Variants in GNG8 observed in about 807,000 individuals in gnomAD.
GNG8 encodes G protein subunit gamma 8.
In GNG8, 3 loss-of-function variants were observed where a neutral mutation model predicts 4.6. The ratio of observed to expected loss-of-function variants is 0.65; its 90% CI spans 0.29 to 1.67. The LOEUF (loss-of-function observed/expected upper bound fraction) is 1.67. GNG8 is among the 40% of genes most tolerant of loss of function. GNG8 has a pLI of 0.10. For synonymous variants in GNG8, 32 were observed against 40.5 expected (o/e 0.79, Z 0.80); for missense variants, 88 against 95.2 (o/e 0.92, Z 0.32).
At chr19:46,636,602 A>T (rs996062771), upstream of GNG8, among the ~76,000 whole-genome samples, 10 of 152,172 alleles carry the variant, frequency 6.6e-5, no homozygotes, top group Middle Eastern at 3.4e-3. Flanking sequence ...GCCCTGTCAC[A>T]CGGTAGCACC....
intron 1 of GNG8, among the ~76,000 whole-genome samples, 160 bp downstream of exon 1, chr19:46,635,987 G>T (rs1180654267): frequency 6.6e-6 from 1 of 151,980 alleles, no homozygotes; most frequent in African/African-American, 2.4e-5. Context: ...GAAACAGAAA[G>T]TGGGAGAGAG....
In GNG8 at chr19:46,634,015, C is replaced by A. The variant is rs960262676; in HGVS notation, c.*61G>T. ...GTCTCCCTGAAAGCACAGGCACCAC[C>A]ACAGTTACCAAGTTTATTGGATCCA... On this transcript the variant is annotated 3_prime_UTR_variant, in exon 3 of 3. Transcript: ENST00000693335. The A allele has an allele frequency of 6.8e-5, 106 of 1,556,170 alleles. No homozygotes were observed. Among genetic ancestry groups the A allele is most frequent in the Non-Finnish European group, 9.1e-5 (104 of 1,146,684 alleles).
upstream of GNG8, among the ~76,000 whole-genome samples, chr19:46,636,315 C>T (rs2052868898): frequency 6.6e-6 from 1 of 150,790 alleles, no homozygotes; most frequent in Non-Finnish European, 1.5e-5. Flanking sequence ...CCTCTCTGGG[C>T]CCTCTCTCTT....
intron 1 of GNG8, among the ~76,000 whole-genome samples, 70 bp downstream of exon 1, chr19:46,636,077 C>A (rs2052866566): frequency 6.6e-6 from 1 of 152,046 alleles, no homozygotes; most frequent in South Asian, 2.1e-4. Context: ...CATTCATTCC[C>A]AGGCGGAGAG....
Position 46,634,628 on chromosome 19 carries a change from T to G in GNG8, c.55A>C (p.Lys19Gln). 6.2e-7 allele frequency: 1 copy of G among 1,612,928 alleles called. No individual in the cohort carries two copies. Among genetic ancestry groups the G allele is most frequent in the Non-Finnish European group, 8.5e-7 (1 of 1,179,802 alleles). The change falls in exon 2 of 3, where the codon AAG becomes CAG. Residue 19 changes from lysine (K) to glutamine (Q), a missense_variant. Transcript: ENST00000693335. ...ATGCGGTCGATGTTCACCTCCAGCT[T>G]CAGCTGTTCCACCGTCTTGCGGGCC... Reference protein sequence around the residue: ...AEARKTVEQLKLEVNIDRMKV... With the variant: ...AEARKTVEQLQLEVNIDRMKV...
chr19:46,634,531 G>T, intron 2 of GNG8, 68 bp downstream of exon 2: 2 of 1,424,938 alleles, frequency 1.4e-6, no homozygotes, highest in South Asian at 2.4e-5. Flanking sequence ...CTCCGAGCCG[G>T]GCCGACACAG....
upstream of GNG8, among the ~76,000 whole-genome samples, chr19:46,636,252 G>A (rs2052868218): frequency 6.6e-6 from 1 of 151,058 alleles, no homozygotes; most frequent in Admixed American, 6.6e-5. Context: ...AGCCCCTACG[G>A]ACCCGCCTCC....
chr19:46,638,450 T>C (rs537928901), upstream of GNG8: 2 of 153,064 alleles, frequency 1.3e-5, no homozygotes, highest in South Asian at 4.1e-4. This position sits in a 1 kb window ranked among gnomAD's most constrained non-coding sequence, Gnocchi z 4.7. Context: ...GTCCTGGCAC[T>C]GCACACCATC....
upstream of GNG8, chr19:46,638,156 A>G (rs2052880280): frequency 6.5e-6 from 1 of 152,780 alleles, no homozygotes; most frequent in Admixed American, 6.6e-5. The surrounding 1 kb of genome is among the most constrained non-coding windows in gnomAD (Gnocchi z 4.7). Context: ...TCACTCCCAC[A>G]TACGGTCTCT....
chr19:46,635,543 G>A (rs2052861118), intron 1 of GNG8, among the ~76,000 whole-genome samples: 1 of 19,784 alleles, frequency 5.1e-5, no homozygotes, highest in Non-Finnish European at 1.1e-4. Context: ...GGGGTGTGGG[G>A]TGGGAGAGGA....
Position 46,634,052 on chromosome 19 carries a change from G to T in GNG8, c.*24C>A. 1 of 1,596,694 alleles carries T rather than the reference G, an allele frequency of 6.3e-7. No homozygotes were observed. Among genetic ancestry groups the T allele is most frequent in the Non-Finnish European group, 8.5e-7 (1 of 1,169,766 alleles). On this transcript the variant is annotated 3_prime_UTR_variant, in exon 3 of 3. Coordinates refer to ENST00000693335, the MANE Select transcript of GNG8 (RefSeq NM_033258.2). ...GTTTATTGGATCCATACTTTGGCAG[G>T]GGAGGGTAAGCTGTCCGGAGGGCTC...
chr19:46,634,278 G>T, intron 2 of GNG8, 74 bp from the exon 3 acceptor site: 3 of 1,494,180 alleles, frequency 2.0e-6, no homozygotes, highest in Middle Eastern at 2.4e-4. Flanking sequence ...CCCGCCTCTT[G>T]CCCTGTCCCC....
intron 1 of GNG8, among the ~76,000 whole-genome samples, chr19:46,635,287 G>A (rs144491799): frequency 1.3e-5 from 2 of 151,668 alleles, no homozygotes; most frequent in Non-Finnish European, 2.9e-5. Flanking sequence ...GAGGCCTATC[G>A]GATGGACAGA....
rs754324984 is a variant in GNG8 at position 46,634,717 on chromosome 19, G to T, written c.-35C>A. On this transcript the variant is annotated 5_prime_UTR_variant, in exon 2 of 3. Coordinates refer to ENST00000693335, the MANE Select transcript of GNG8 (RefSeq NM_033258.2). The stretch of plus-strand genomic sequence containing the variant: ...GGGGAAGGGGTTAAAAGACGCGCGG[G>T]AGTGGGGGCTGTGGGGGTAGGTTAG... 3.5e-5 allele frequency: 55 copies of T among 1,574,784 alleles called. No homozygotes were observed. Among genetic ancestry groups the T allele is most frequent in the Non-Finnish European group, 4.4e-5 (50 of 1,146,382 alleles).
At chr19:46,634,459 C>A in intron 2 of GNG8, 140 bp downstream of exon 2, 1 of 745,214 alleles carries the variant, frequency 1.3e-6, no homozygotes, top group South Asian at 1.8e-5. Flanking sequence ...GTCCTGGCCC[C>A]TCCTCCTGCC....
Position 46,634,625 on chromosome 19 carries a change from G to A in GNG8, c.58C>T (p.Leu20=). ...TTCATGCGGTCGATGTTCACCTCCA[G>A]CTTCAGCTGTTCCACCGTCTTGCGG... ...EARKTVEQLK[L]EVNIDRMKVS... Residue 20 remains leucine (L), a synonymous_variant, in exon 2 of 3, where the codon CTG becomes TTG. Transcript: ENST00000693335. The A allele has an allele frequency of 6.2e-7, 1 of 1,613,110 alleles. No individual in the cohort carries two copies. Among genetic ancestry groups the A allele is most frequent in the Non-Finnish European group, 8.5e-7 (1 of 1,179,848 alleles).
At chr19:46,634,831 G>A (rs2052854807) in intron 1 of GNG8, 106 bp from the exon 2 acceptor site, 1 of 648,710 alleles carries the variant, frequency 1.5e-6, no homozygotes, top group Admixed American at 2.3e-5. Flanking sequence ...GGTGGCCAGG[G>A]GCTGGTGGAG....
At chr19:46,634,777 C>T (rs1005656172) in intron 1 of GNG8, 52 bp from the exon 2 acceptor site, 11 of 971,220 alleles carry the variant, frequency 1.1e-5, no homozygotes, top group East Asian at 7.7e-5. Flanking sequence ...GGCGAGAGGG[C>T]GGGCCCCGGT....
In GNG8 at chr19:46,634,154, T is replaced by C; in HGVS notation, c.135A>G (p.Lys45=). ...ELLAFCETHA[K]DDPLVTPVPA... ...GTACTGGCGTCACCAGCGGGTCATC[T>C]TTGGCATGCGTCTCGCAGAAAGCCA... Residue 45 remains lysine, a synonymous_variant, in exon 3 of 3, where the codon AAA becomes AAG. Coordinates refer to ENST00000693335, the MANE Select transcript of GNG8 (RefSeq NM_033258.2). The C allele has an allele frequency of 1.9e-6, 3 of 1,613,620 alleles. No individual in the cohort carries two copies. The highest frequency in any genetic ancestry group is 2.5e-6 in the Non-Finnish European group (3 of 1,179,948).
Sources: gnomAD v4.1 joint callset for allele counts (sites outside exome capture counted in the v4.1 genomes callset) on GRCh38, gnomAD v4.1.1 for gene constraint, Gnocchi (gnomAD v3.1) non-coding constraint, MANE v1.5 for transcripts, NCBI Gene and HGNC (gene_info 2026-07-23, HGNC 2026-07-21) for gene names.